FAM135B: variants seen among roughly 807,000 people sequenced by gnomAD.
FAM135B encodes the protein protein FAM135B.
FAM135B carries 43 observed loss-of-function variants against 127.7 expected under a neutral mutation model. The observed-to-expected ratio is 0.34, with a 90% confidence interval of 0.26 to 0.43. The LOEUF is 0.43. Among genes scored for constraint, FAM135B ranks in the 20% least tolerant of loss-of-function variants. FAM135B has a pLI of 1.00. For missense variants in FAM135B, 1,558 were observed against 1,725.6 expected, an observed-to-expected ratio of 0.90 and a Z score of 1.72; for synonymous variants, 670 against 665.1, an observed-to-expected ratio of 1.01 and a Z score of -0.11.
intron 1 of FAM135B, among the ~76,000 whole-genome samples, chr8:138,411,412 C>A (rs554151817): frequency 9.8e-4 from 149 of 152,174 alleles, no homozygotes; most frequent in Non-Finnish European, 1.5e-3. Flanking sequence ...ATAAATGGTG[C>A]TGGGAAAACT....
intron 2 of FAM135B, among the ~76,000 whole-genome samples, chr8:138,338,790 G>T (rs1202191048): frequency 6.6e-6 from 1 of 152,082 alleles, no homozygotes; most frequent in Admixed American, 6.6e-5. Flanking sequence ...AAATCATGCT[G>T]CTATAAAGAC....
At chr8:138,476,649 A>G (rs1814468452) in intron 1 of FAM135B, among the ~76,000 whole-genome samples, 1 of 152,276 alleles carries the variant, frequency 6.6e-6, no homozygotes, top group East Asian at 1.9e-4. Flanking sequence ...TTTAAATAAA[A>G]AATATAATCA....
intron 1 of FAM135B, among the ~76,000 whole-genome samples, chr8:138,384,629 CGT>C (rs777296268): frequency 6.6e-6 from 1 of 151,900 alleles, no homozygotes; most frequent in South Asian, 2.1e-4. Context: ...AGACAGTGTA[CGT>C]GTGTGAGTAT....
intron 3 of FAM135B, among the ~76,000 whole-genome samples, chr8:138,305,131 G>A (rs896065175): frequency 3.3e-5 from 5 of 152,110 alleles, no homozygotes; most frequent in Admixed American, 1.3e-4. Context: ...AATAAATGTC[G>A]GTCCCCCGCC....
At chr8:138,446,310 A>C (rs1836156082) in intron 1 of FAM135B, among the ~76,000 whole-genome samples, 1 of 152,192 alleles carries the variant, frequency 6.6e-6, no homozygotes, top group African/African-American at 2.4e-5. Context: ...ACTACTTTCA[A>C]GTTCATATGG....
intron 8 of FAM135B, 35 bp downstream of exon 8, chr8:138,197,481 G>T (rs957740678): frequency 6.3e-7 from 1 of 1,597,606 alleles, no homozygotes; most frequent in African/African-American, 1.3e-5. Flanking sequence ...CACATGAGCT[G>T]CTGGGATGGG....
At chr8:138,275,858 T>C (rs1317629621) in intron 3 of FAM135B, among the ~76,000 whole-genome samples, 1 of 152,188 alleles carries the variant, frequency 6.6e-6, no homozygotes, top group Non-Finnish European at 1.5e-5. Context: ...TGACGCTTTG[T>C]GCTGTATCCC....
intron 12 of FAM135B, among the ~76,000 whole-genome samples, chr8:138,166,398 A>G (rs2130888316): frequency 6.6e-6 from 1 of 152,316 alleles, no homozygotes; most frequent in African/African-American, 2.4e-5. Flanking sequence ...AAGCAGCAAA[A>G]CAGGTTGCAC....
intron 3 of FAM135B, among the ~76,000 whole-genome samples, chr8:138,269,481 C>T (rs1287236475): frequency 6.6e-6 from 1 of 152,184 alleles, no homozygotes; most frequent in Non-Finnish European, 1.5e-5. Flanking sequence ...TTCAATTCCC[C>T]AGGCCTGAAG....
At chr8:138,187,678 C>G (rs978128993) in intron 9 of FAM135B, among the ~76,000 whole-genome samples, 3 of 152,178 alleles carry the variant, frequency 2.0e-5, no homozygotes, top group South Asian at 2.1e-4. Context: ...TTAATAAAAC[C>G]CTTGACATTT....
At chr8:138,406,709 A>ATG (rs1164394461) in intron 1 of FAM135B, among the ~76,000 whole-genome samples, 16 of 151,450 alleles carry the variant, frequency 1.1e-4, no homozygotes, top group African/African-American at 3.6e-4. Context: ...AAATTCAACA[A>ATG]CCGTTCATGC....
intron 1 of FAM135B, among the ~76,000 whole-genome samples, chr8:138,390,977 C>G (rs1409053953): frequency 6.6e-6 from 1 of 152,124 alleles, no homozygotes; most frequent in Non-Finnish European, 1.5e-5. Flanking sequence ...GCAAAAGTTT[C>G]CAGGTACACA....
chr8:138,209,222 A>T (rs1817947505), intron 7 of FAM135B, among the ~76,000 whole-genome samples: 1 of 152,278 alleles, frequency 6.6e-6, no homozygotes, highest in Admixed American at 6.5e-5. Context: ...CCCAAAATGA[A>T]GAAATCTGGG....
rs1465089172 is a variant in FAM135B, at chr8:138,359,224, GA to G, written c.77+8682del. Reference sequence around the variant, plus strand: ...AAAATAATATTTATGGAATTTTAGAGAAAAAAAGACTCAGAGATGAACAAGG... The same window carrying G: ...AAAATAATATTTATGGAATTTTAGAGAAAAAAGACTCAGAGATGAACAAGG... On this transcript the variant is annotated intron_variant, in intron 2 of 19. Coordinates refer to ENST00000395297, the MANE Select transcript of FAM135B (RefSeq NM_015912.4). Among the ~76,000 whole-genome samples, 4 of 152,024 alleles carry G rather than the reference GA, an allele frequency of 2.6e-5. 1 individual carries two copies. The highest frequency in any genetic ancestry group is 9.7e-5 in the African/African-American group (4 of 41,408).
Position 138,153,215 on chromosome 8 carries a change from C to T in FAM135B, c.1260G>A (p.Gly420=), listed in dbSNP as rs199634716. The T allele has an allele frequency of 1.4e-3, 2,048 of 1,462,908 alleles. 7 individuals are homozygous for T. The highest frequency in any genetic ancestry group is 1.4e-3 in the Non-Finnish European group (1,546 of 1,112,950). 90.6% of individuals were successfully genotyped at this position (1,462,908 alleles called of 1,614,324 possible). A position where few individuals can be genotyped will look rare whatever the true frequency, so the allele number is the denominator to read the frequency against. ...AATTAGGATAAACACTCAAGTTATG[C>T]CCTACAAAAAAAAAAGAAAGAAAAT... is the stretch of plus-strand genomic sequence containing the variant. ...EDRYVDCPAT[G]HNLSVYPNFD... The change falls in exon 13 of 20, where the codon GGG becomes GGA. Residue 420 remains glycine (G), a splice_region_variant and synonymous_variant. Coordinates refer to ENST00000395297, the MANE Select transcript of FAM135B (RefSeq NM_015912.4).
chr8:138,337,635 C>T (rs1400607364), intron 2 of FAM135B, among the ~76,000 whole-genome samples: 1 of 152,126 alleles, frequency 6.6e-6, no homozygotes, highest in African/African-American at 2.4e-5. Context: ...AAGAACATTC[C>T]ATGCTCATGG....
intron 3 of FAM135B, among the ~76,000 whole-genome samples, chr8:138,273,723 C>T (rs1586939210): frequency 6.6e-6 from 1 of 152,298 alleles, no homozygotes; most frequent in East Asian, 1.9e-4. Context: ...GCCCACCTCG[C>T]CTGTTCTTCC....
rs2130756565 is a variant in FAM135B at position 138,152,107 on chromosome 8, G to T, written c.2368C>A (p.Gln790Lys). Residue 790 changes from glutamine to lysine, a missense_variant, in exon 13 of 20, where the codon CAG becomes AAG. Gln to Lys is a moderately conservative substitution (Grantham distance 53). Coordinates refer to ENST00000395297, the MANE Select transcript of FAM135B (RefSeq NM_015912.4). ...EEAAEDADTK[Q>K]QDGGFAEPSD... ...GGTTCAGCAAAACCTCCATCTTGCT[G>T]CTTGGTGTCCGCATCTTCAGCAGCC... The T allele has an allele frequency of 1.2e-6, 2 of 1,613,842 alleles. No homozygotes were observed. Among genetic ancestry groups the T allele is most frequent in the East Asian group, 4.5e-5 (2 of 44,838 alleles).
At chr8:138,274,622 C>G (rs188462383) in intron 3 of FAM135B, among the ~76,000 whole-genome samples, 2 of 152,250 alleles carry the variant, frequency 1.3e-5, no homozygotes, top group Admixed American at 1.3e-4. Flanking sequence ...CCTGGGAGCG[C>G]TATGGGAGAC....
Sources: gnomAD v4.1 joint callset for allele counts (sites outside exome capture counted in the v4.1 genomes callset) on GRCh38, gnomAD v4.1.1 for gene constraint, MANE v1.5 for transcripts, NCBI Gene and HGNC (gene_info 2026-07-23, HGNC 2026-07-21) for gene names.